Variants in PLCB1 observed in about 807,000 individuals in gnomAD.
PLCB1 encodes 1-phosphatidylinositol 4,5-bisphosphate phosphodiesterase beta-1.
A neutral mutation model predicts 161.8 loss-of-function variants in PLCB1; 46 were observed. That is an observed-to-expected ratio of 0.28 (90% CI 0.22 to 0.36). PLCB1 has a LOEUF of 0.36. PLCB1 is among the 10% of genes least tolerant of loss of function. PLCB1 has a pLI of 1.00. For synonymous variants in PLCB1, 517 were observed against 503.7 expected (o/e 1.03, Z -0.35); for missense variants, 1,016 against 1,472.5 (o/e 0.69, Z 5.07).
chr20:8,350,462 G>A (rs1406236080), intron 2 of PLCB1, among the ~76,000 whole-genome samples: 1 of 152,134 alleles, frequency 6.6e-6, no homozygotes, highest in East Asian at 1.9e-4. Flanking sequence ...TTGTGTATAT[G>A]TGCCACATTT....
chr20:8,405,535 A>G (rs1978749613), intron 3 of PLCB1, among the ~76,000 whole-genome samples: 1 of 152,204 alleles, frequency 6.6e-6, no homozygotes, highest in South Asian at 2.1e-4. Context: ...TCATGTTGCA[A>G]AAGGATGTGG....
chr20:8,148,576 A>G (rs1396425749), intron 1 of PLCB1, among the ~76,000 whole-genome samples: 1 of 152,160 alleles, frequency 6.6e-6, no homozygotes, highest in Non-Finnish European at 1.5e-5. Context: ...GAAACCAAGG[A>G]CTCAGATAGA....
At chr20:8,297,098 A>G (rs1006622789) in intron 2 of PLCB1, among the ~76,000 whole-genome samples, 1 of 152,078 alleles carries the variant, frequency 6.6e-6, no homozygotes, top group Non-Finnish European at 1.5e-5. Context: ...ATCTGTATAG[A>G]TGTATGTATA....
chr20:8,497,649 A>G, intron 3 of PLCB1, among the ~76,000 whole-genome samples: 1 of 152,154 alleles, frequency 6.6e-6, no homozygotes, highest in East Asian at 1.9e-4. Flanking sequence ...AGATGATTTT[A>G]TGATCCATGT....
intron 3 of PLCB1, among the ~76,000 whole-genome samples, chr20:8,534,203 A>T (rs543006242): frequency 6.6e-6 from 1 of 152,246 alleles, no homozygotes; most frequent in South Asian, 2.1e-4. Context: ...CCTGGGCTCA[A>T]GGAACACTCC....
chr20:8,505,341 A>G (rs540770712), intron 3 of PLCB1, among the ~76,000 whole-genome samples: 3 of 152,192 alleles, frequency 2.0e-5, no homozygotes, highest in Non-Finnish European at 4.4e-5. Flanking sequence ...AGTTTGCTCT[A>G]TCTCAACCCA....
Position 8,727,519 on chromosome 20 carries a change from A to G in PLCB1, c.1763+126A>G, listed in dbSNP as rs17446441. 0.28 allele frequency: 159,560 copies of G among 560,964 alleles called. 24,965 individuals carry two copies. Among genetic ancestry groups the G allele is most frequent in the Non-Finnish European group, 0.33 (104,267 of 314,868 alleles). The allele number at this position is 560,964 out of a possible 1,614,324, so 34.7% of individuals were successfully genotyped here. A position where few individuals can be genotyped will look rare whatever the true frequency, so the allele number is the denominator to read the frequency against. On this transcript the variant is annotated intron_variant, in intron 17 of 31. Transcript: ENST00000338037. ...CTTAAGTATATAGCCTGGGGCGGAT[A>G]AATAGTTTCAGGTATCATATACAAT...
intron 3 of PLCB1, among the ~76,000 whole-genome samples, chr20:8,484,118 C>G (rs537043999): frequency 1.3e-5 from 2 of 152,172 alleles, no homozygotes; most frequent in African/African-American, 4.8e-5. Flanking sequence ...CTCAGCCTCA[C>G]GGGTTCAAAC....
At chr20:8,464,803 T>C (rs1981742213) in intron 3 of PLCB1, among the ~76,000 whole-genome samples, 1 of 152,144 alleles carries the variant, frequency 6.6e-6, no homozygotes, top group East Asian at 1.9e-4. Context: ...AAGCCATGTC[T>C]CATCTACCTG....
chr20:8,870,192 C>T (rs1246854539), intron 31 of PLCB1, among the ~76,000 whole-genome samples: 3 of 152,146 alleles, frequency 2.0e-5, no homozygotes, highest in East Asian at 3.9e-4. Flanking sequence ...AGAGAATTGA[C>T]GAGGTCCTGG....
chr20:8,432,328 A>G (rs1282028007), intron 3 of PLCB1, among the ~76,000 whole-genome samples: 1 of 152,160 alleles, frequency 6.6e-6, no homozygotes, highest in Non-Finnish European at 1.5e-5. Flanking sequence ...GCTCCATGCC[A>G]GTGCGCAATC....
At chr20:8,767,497 C>G (rs1982384482) in intron 26 of PLCB1, among the ~76,000 whole-genome samples, 1 of 152,176 alleles carries the variant, frequency 6.6e-6, no homozygotes, top group South Asian at 2.1e-4. Context: ...TTAGGATTCT[C>G]TGGGCTCAGG....
chr20:8,650,433 T>C (rs1390608966), intron 7 of PLCB1, among the ~76,000 whole-genome samples: 2 of 152,202 alleles, frequency 1.3e-5, no homozygotes, highest in Non-Finnish European at 2.9e-5. Context: ...CCCCTTAATC[T>C]ACATGTGATT....
chr20:8,582,593 T>C (rs1339187097), intron 3 of PLCB1, among the ~76,000 whole-genome samples: 1 of 151,578 alleles, frequency 6.6e-6, no homozygotes, highest in Non-Finnish European at 1.5e-5. Context: ...TATGTTCATA[T>C]TAATAATAGC....
chr20:8,375,943 CA>C (rs34790517), intron 3 of PLCB1, among the ~76,000 whole-genome samples: 21,956 of 92,988 alleles, frequency 0.24, 1,501 homozygotes, highest in Non-Finnish European at 0.28. Flanking sequence ...CCAAGTGAAC[CA>C]AAAAAAAAAA....
At chr20:8,239,205 C>G (rs976093105) in intron 2 of PLCB1, among the ~76,000 whole-genome samples, 1 of 151,910 alleles carries the variant, frequency 6.6e-6, no homozygotes. Flanking sequence ...TAACGCCTTC[C>G]AGAACAGAAA....
At position 8,763,649 on chromosome 20, in the gene PLCB1, G is replaced by C. The variant is rs1207029104; in HGVS notation, c.2711-1490G>C. On this transcript the variant is annotated intron_variant, in intron 25 of 31. Coordinates refer to ENST00000338037, the MANE Select transcript of PLCB1 (RefSeq NM_015192.4). ...TATCCACCCACCTTGGCCTCCCAAA[G>C]TGCTGGACTTACAGGCATGCGCCAC... Among the ~76,000 whole-genome samples, 3 of 151,834 alleles carry C rather than the reference G, an allele frequency of 2.0e-5. No homozygotes were observed. The East Asian group carries it at 5.9e-4, about 30-fold the overall frequency.
intron 3 of PLCB1, among the ~76,000 whole-genome samples, chr20:8,501,047 A>G (rs1366838352): frequency 1.3e-5 from 2 of 152,074 alleles, no homozygotes; most frequent in Non-Finnish European, 2.9e-5. Flanking sequence ...GACACCCCCA[A>G]TGGATACACC....
intron 31 of PLCB1, among the ~76,000 whole-genome samples, chr20:8,872,820 C>T (rs1267009360): frequency 1.3e-5 from 2 of 152,124 alleles, no homozygotes; most frequent in East Asian, 1.9e-4. Context: ...ACCCCTGGCT[C>T]TATTCAGGGA....
Sources: gnomAD v4.1 joint callset for allele counts (sites outside exome capture counted in the v4.1 genomes callset) on GRCh38, gnomAD v4.1.1 for gene constraint, MANE v1.5 for transcripts, NCBI Gene and HGNC (gene_info 2026-07-23, HGNC 2026-07-21) for gene names.